The following IARS1 variants were observed in gnomAD, a reference collection of about 807,000 sequenced individuals.
The protein encoded by IARS1 is isoleucyl-tRNA synthetase 1, also known as isoleucine--tRNA ligase, cytoplasmic.
IARS1 carries 124 observed loss-of-function variants against 168.2 expected under a neutral mutation model. That is an observed-to-expected ratio of 0.74 (90% CI 0.64 to 0.86). The LOEUF (loss-of-function observed/expected upper bound fraction) is 0.86, where lower values mean the gene tolerates loss of function less well. Ranked by LOEUF, IARS1 falls within the 40% of genes least tolerant of loss-of-function variation. IARS1 has a pLI of 0.00. For synonymous variants in IARS1, 532 were observed against 529.4 expected, an observed-to-expected ratio of 1.00 and a Z score of -0.07; for missense variants, 1,452 against 1,515.8, an observed-to-expected ratio of 0.96 and a Z score of 0.70.
At chr9:92,216,928 A>G (rs1278409811) in intron 33 of IARS1, among the ~76,000 whole-genome samples, 2 of 151,328 alleles carry the variant, frequency 1.3e-5, no homozygotes, top group African/African-American at 4.8e-5. Flanking sequence ...CGGACCTAGT[A>G]GACATCTACA....
At chr9:92,273,359 ATT>A (rs1833360011) in intron 10 of IARS1, among the ~76,000 whole-genome samples, 1 of 152,168 alleles carries the variant, frequency 6.6e-6, no homozygotes, top group African/African-American at 2.4e-5. Flanking sequence ...TTTATTGGAT[ATT>A]TATACTGAAA....
At chr9:92,239,048 A>C (rs1004160344) in intron 30 of IARS1, among the ~76,000 whole-genome samples, 9 of 152,238 alleles carry the variant, frequency 5.9e-5, no homozygotes, top group African/African-American at 2.2e-4. Flanking sequence ...GTATATACAC[A>C]GAGAACCACA....
rs1405912877 is a variant in IARS1, at chr9:92,268,318, C to T, written c.1305-18G>A. The T allele has an allele frequency of 1.2e-6, 2 of 1,601,330 alleles. No individual in the cohort carries two copies. Among genetic ancestry groups the T allele is most frequent in the Middle Eastern group, 1.7e-4 (1 of 6,026 alleles). On this transcript the variant is annotated intron_variant, in intron 13 of 33. Transcript: ENST00000443024. ...CTGGGACCCTGCAATAAACAGATCA[C>T]ATAACCAATCACATAAAAATATGGA... is the stretch of plus-strand genomic sequence containing the variant.
intron 16 of IARS1, among the ~76,000 whole-genome samples, chr9:92,264,387 G>A (rs1196572831): frequency 6.6e-6 from 1 of 150,676 alleles, no homozygotes; most frequent in Non-Finnish European, 1.5e-5. Context: ...GCCAATCCAT[G>A]GAAAGAAAGT....
chr9:92,286,954 A>G (rs1429185561), intron 4 of IARS1, among the ~76,000 whole-genome samples: 3 of 152,260 alleles, frequency 2.0e-5, no homozygotes, highest in Non-Finnish European at 4.4e-5. Flanking sequence ...ATGACAAAAA[A>G]AAGAATATTT....
At chr9:92,286,682 G>T in intron 4 of IARS1, 64 bp from the exon 5 acceptor site, 1 of 891,392 alleles carries the variant, frequency 1.1e-6, no homozygotes, top group Non-Finnish European at 1.8e-6. Context: ...ATCAATGTGT[G>T]TTTATTTCTG....
chr9:92,222,783 T>C, intron 32 of IARS1, 111 bp from the exon 33 acceptor site: 1 of 992,130 alleles, frequency 1.0e-6, no homozygotes, highest in Middle Eastern at 3.3e-4. Context: ...CAGCAGTGCG[T>C]CCAGGAGCGT....
chr9:92,219,610 C>T (rs375413812), intron 33 of IARS1, among the ~76,000 whole-genome samples: 1 of 151,582 alleles, frequency 6.6e-6, no homozygotes, highest in Non-Finnish European at 1.5e-5. Flanking sequence ...GGGCAAAGGA[C>T]ATGAACAGAC....
chr9:92,285,816 T>C lies in IARS1; in HGVS notation c.503A>G (p.Asp168Gly), dbSNP rs1835364841. 1.9e-6 allele frequency: 3 copies of C among 1,610,004 alleles called. No homozygotes were observed. The highest frequency in any genetic ancestry group is 2.5e-6 in the Non-Finnish European group (3 of 1,176,616). ...SVWWVFKQLY[D>G]KGLVYRGVKV... ...CACACCTCTATAAACAAGGCCTTTA[T>C]CATAGAGTTGTTTGAAGACCCACCT... is the stretch of plus-strand genomic sequence containing the variant. Residue 168 changes from aspartate (D) to glycine (G), a missense_variant, in exon 6 of 34, where the codon GAT becomes GGT. Coordinates refer to ENST00000443024, the MANE Select transcript of IARS1 (RefSeq NM_002161.6).
At chr9:92,222,846 T>C (rs948283339) in intron 32 of IARS1, among the ~76,000 whole-genome samples, 174 bp from the exon 33 acceptor site, 8 of 149,782 alleles carry the variant, frequency 5.3e-5, no homozygotes, top group Admixed American at 3.3e-4. Flanking sequence ...CAACATTTCA[T>C]AGAGGTGAAG....
chr9:92,247,674 C>T, intron 25 of IARS1, 123 bp from the exon 26 acceptor site: 2 of 779,272 alleles, frequency 2.6e-6, no homozygotes, highest in South Asian at 1.8e-5. Context: ...AAGTGTCCAT[C>T]AACTGTGAAT....
intron 15 of IARS1, 103 bp from the exon 16 acceptor site, chr9:92,265,226 C>T (rs1832119720): frequency 2.0e-6 from 2 of 1,017,280 alleles, no homozygotes; most frequent in Admixed American, 5.5e-5. Context: ...ATATTATACA[C>T]ATTTGCAAAC....
intron 33 of IARS1, among the ~76,000 whole-genome samples, chr9:92,215,371 T>G (rs1188786488): frequency 6.6e-6 from 1 of 152,148 alleles, no homozygotes; most frequent in Non-Finnish European, 1.5e-5. Context: ...GTGCCTCTCC[T>G]CCTCCAAAGG....
chr9:92,212,859 G>A (rs982194933), intron 33 of IARS1, among the ~76,000 whole-genome samples: 9 of 152,104 alleles, frequency 5.9e-5, no homozygotes, highest in African/African-American at 2.2e-4. Flanking sequence ...AAGATTCTGA[G>A]GCATAAGAGA....
intron 17 of IARS1, among the ~76,000 whole-genome samples, chr9:92,261,202 G>A (rs1419600750): frequency 1.3e-5 from 2 of 151,940 alleles, no homozygotes; most frequent in Non-Finnish European, 2.9e-5. Flanking sequence ...CCAGCTACTC[G>A]GGAGGCTGAG....
intron 30 of IARS1, among the ~76,000 whole-genome samples, chr9:92,237,195 G>A (rs138008121): frequency 1.3e-5 from 2 of 152,018 alleles, no homozygotes; most frequent in East Asian, 1.9e-4. Context: ...ACAGATTTCC[G>A]TCTCAGGACT....
intron 33 of IARS1, among the ~76,000 whole-genome samples, chr9:92,220,670 A>C (rs1461285963): frequency 1.3e-5 from 2 of 152,050 alleles, no homozygotes; most frequent in Non-Finnish European, 2.9e-5. Context: ...ATAGAATGAA[A>C]ATGGTAGAAA....
At chr9:92,288,023 A>G in intron 3 of IARS1, 103 bp downstream of exon 3, 3 of 1,510,860 alleles carry the variant, frequency 2.0e-6, no homozygotes, top group Non-Finnish European at 2.7e-6. Flanking sequence ...ATGAACTAGA[A>G]GGTCTGACAG....
chr9:92,216,054 T>C (rs1838624964), intron 33 of IARS1, among the ~76,000 whole-genome samples: 2 of 151,358 alleles, frequency 1.3e-5, no homozygotes, highest in Admixed American at 1.3e-4. Flanking sequence ...GGGAAGCCCA[T>C]CAGACTAACA....
Sources: allele counts gnomAD v4.1 joint callset (sites outside exome capture counted in the v4.1 genomes callset), GRCh38; gene constraint gnomAD v4.1.1; transcripts MANE v1.5; gene names NCBI Gene and HGNC (gene_info 2026-07-23, HGNC 2026-07-21).